Variants in MSANTD4 observed in about 807,000 individuals in gnomAD.
MSANTD4 encodes the protein Myb/SANT DNA binding domain containing 4 with coiled-coils.
MSANTD4 carries 13 observed loss-of-function variants against 34.3 expected under a neutral mutation model. The ratio of observed to expected loss-of-function variants is 0.38; its 90% CI spans 0.25 to 0.60. MSANTD4 has a LOEUF of 0.60. Among genes scored for constraint, MSANTD4 ranks in the 20% least tolerant of loss-of-function variants. The pLI is 0.63. For missense variants in MSANTD4, 358 were observed against 401.8 expected, an observed-to-expected ratio of 0.89 and a Z score of 0.93; for synonymous variants, 137 against 145.2, an observed-to-expected ratio of 0.94 and a Z score of 0.41.
chr11:106,021,843 G>A lies in MSANTD4; in HGVS notation c.-1032C>T, dbSNP rs920126266. The A allele has an allele frequency of 6.6e-6, 1 of 152,234 alleles. No individual in the cohort carries two copies. The highest frequency in any genetic ancestry group is 2.4e-5 in the African/African-American group (1 of 41,352). The allele number at this position is 152,234 out of a possible 1,614,324, so 9.4% of individuals were successfully genotyped here. ...GGGAGCAGGGGCGCGCACCTGCCTC[G>A]GCCACAATGATGAGGTTGCTGCTGG... On this transcript the variant is annotated 5_prime_UTR_variant, in exon 1 of 3. Coordinates refer to ENST00000301919, the MANE Select transcript of MSANTD4 (RefSeq NM_032424.3).
Position 106,009,563 on chromosome 11 carries a change from C to T in MSANTD4, c.1010G>A (p.Arg337Gln). 1.2e-6 allele frequency: 2 copies of T among 1,603,844 alleles called. No individual in the cohort carries two copies. The highest frequency in any genetic ancestry group is 1.7e-6 in the Non-Finnish European group (2 of 1,174,856). ...ERLQVEKDRL[R>Q]IQKEGHLQ Reference sequence around the variant, plus strand: ...CTGCAAGTGTCCTTCTTTCTGAATTCGAAGTCTGTCTTTCTCTACCTGTAA... The same window carrying T: ...CTGCAAGTGTCCTTCTTTCTGAATTTGAAGTCTGTCTTTCTCTACCTGTAA... The change falls in exon 3 of 3, where the codon CGA becomes CAA. Residue 337 changes from arginine (R) to glutamine (Q), a missense_variant. Around this residue, in one of 2 missense-constraint regions of MSANTD4, gnomAD observed 312 missense variants for 317.6 expected, o/e 0.98. Coordinates refer to ENST00000301919, the MANE Select transcript of MSANTD4 (RefSeq NM_032424.3).
intron 1 of MSANTD4, among the ~76,000 whole-genome samples, chr11:106,016,994 A>C (rs906489944): frequency 6.6e-6 from 1 of 152,206 alleles, no homozygotes; most frequent in Non-Finnish European, 1.5e-5. Flanking sequence ...AATACACAGA[A>C]TGTTTCAGAG....
chr11:106,009,399 T>A lies in MSANTD4; in HGVS notation c.*136A>T. The A allele has an allele frequency of 1.3e-5, 10 of 770,848 alleles. No individual in the cohort carries two copies. In the South Asian group the frequency reaches 1.9e-4, roughly 15 times the overall value. 47.8% of individuals were successfully genotyped at this position (770,848 alleles called of 1,614,324 possible). A position where few individuals can be genotyped will look rare whatever the true frequency, so the allele number is the denominator to read the frequency against. The stretch of plus-strand genomic sequence containing the variant: ...TATATACTACTTAGGCATACAGTTA[T>A]CCACATATAACTTTTTCCTACTGAA... On this transcript the variant is annotated 3_prime_UTR_variant, in exon 3 of 3. Coordinates refer to ENST00000301919, the MANE Select transcript of MSANTD4 (RefSeq NM_032424.3).
intron 1 of MSANTD4, among the ~76,000 whole-genome samples, chr11:106,013,501 C>T (rs1024903578): frequency 6.6e-6 from 1 of 152,168 alleles, no homozygotes; most frequent in Non-Finnish European, 1.5e-5. Flanking sequence ...AGACTTACTA[C>T]CACCAGGTTC....
chr11:106,014,795 A>C (rs925115601), intron 1 of MSANTD4, among the ~76,000 whole-genome samples: 1 of 152,174 alleles, frequency 6.6e-6, no homozygotes, highest in Non-Finnish European at 1.5e-5. Flanking sequence ...TTTGTTTCCA[A>C]TCACTCATGT....
intron 1 of MSANTD4, among the ~76,000 whole-genome samples, chr11:106,011,690 C>T (rs547771377): frequency 6.6e-6 from 1 of 152,148 alleles, no homozygotes; most frequent in Non-Finnish European, 1.5e-5. Flanking sequence ...CTGGCCATCA[C>T]CTCCCCAGAG....
intron 1 of MSANTD4, among the ~76,000 whole-genome samples, chr11:106,013,776 C>T (rs148896469): frequency 6.6e-6 from 1 of 152,304 alleles, no homozygotes; most frequent in African/African-American, 2.4e-5. Context: ...GCATGAGAAT[C>T]GCTTGAACCC....
chr11:106,011,152 G>A, intron 1 of MSANTD4, 85 bp from the exon 2 acceptor site: 1 of 611,966 alleles, frequency 1.6e-6, no homozygotes, highest in African/African-American at 1.9e-5. Context: ...ATTTTTAAGA[G>A]AAACAAAAAA....
At chr11:106,013,891 TAA>T (rs1859769814) in intron 1 of MSANTD4, among the ~76,000 whole-genome samples, 1 of 152,160 alleles carries the variant, frequency 6.6e-6, no homozygotes, top group Admixed American at 6.5e-5. Flanking sequence ...AAAGTGTTGC[TAA>T]GGTAAGTTTT....
At chr11:106,017,287 G>A (rs565893717) in intron 1 of MSANTD4, among the ~76,000 whole-genome samples, 1 of 152,200 alleles carries the variant, frequency 6.6e-6, no homozygotes, top group African/African-American at 2.4e-5. Flanking sequence ...CGCAGACACA[G>A]AACATCCTAT....
chr11:106,019,706 A>G (rs1014811830), intron 1 of MSANTD4, among the ~76,000 whole-genome samples: 7 of 152,220 alleles, frequency 4.6e-5, no homozygotes, highest in Admixed American at 3.3e-4. Flanking sequence ...TTACATTAGG[A>G]GCAATAAGAG....
Position 106,008,653 on chromosome 11 carries a change from C to G in MSANTD4, c.*882G>C, listed in dbSNP as rs1017988148. 6.6e-6 allele frequency: 1 copy of G among 152,200 alleles called. No individual in the cohort carries two copies. Among genetic ancestry groups the G allele is most frequent in the Non-Finnish European group, 1.5e-5 (1 of 68,032 alleles). 9.4% of individuals were successfully genotyped at this position (152,200 alleles called of 1,614,324 possible). A position where few individuals can be genotyped will look rare whatever the true frequency, so the allele number is the denominator to read the frequency against. On this transcript the variant is annotated 3_prime_UTR_variant, in exon 3 of 3. Transcript: ENST00000301919. ...CTGGTATCATTTTTACTAGCTTCAA[C>G]TATTCACTTATAAGATTTCAGTACA...
At chr11:106,013,839 G>A (rs1035998201) in intron 1 of MSANTD4, among the ~76,000 whole-genome samples, 8 of 152,190 alleles carry the variant, frequency 5.3e-5, no homozygotes, top group African/African-American at 1.7e-4. Flanking sequence ...CCCAACCTGG[G>A]GGAAACAGTG....
chr11:106,009,015 C>T lies in MSANTD4; in HGVS notation c.*520G>A, dbSNP rs1859603178. On this transcript the variant is annotated 3_prime_UTR_variant, in exon 3 of 3. Coordinates refer to ENST00000301919, the MANE Select transcript of MSANTD4 (RefSeq NM_032424.3). Reference sequence around the variant, plus strand: ...GTTTTAATATTCTAAAACTATAAAACATAGCTATAGAGGTACACAGTTAGG... The same window carrying T: ...GTTTTAATATTCTAAAACTATAAAATATAGCTATAGAGGTACACAGTTAGG... 1 of 152,452 alleles carries T rather than the reference C, an allele frequency of 6.6e-6. No homozygotes were observed. Among genetic ancestry groups the T allele is most frequent in the Non-Finnish European group, 1.5e-5 (1 of 68,262 alleles). The allele number at this position is 152,452 out of a possible 1,614,324, so 9.4% of individuals were successfully genotyped here. A position where few individuals can be genotyped will look rare whatever the true frequency, so the allele number is the denominator to read the frequency against.
intron 1 of MSANTD4, among the ~76,000 whole-genome samples, chr11:106,020,294 G>GA (rs1373221215): frequency 6.6e-6 from 1 of 152,120 alleles, no homozygotes; most frequent in Admixed American, 6.5e-5. Flanking sequence ...GGAAAATTAG[G>GA]ATAGTGCCAA....
At chr11:106,016,288 T>C (rs926756508) in intron 1 of MSANTD4, among the ~76,000 whole-genome samples, 2 of 152,234 alleles carry the variant, frequency 1.3e-5, no homozygotes, top group African/African-American at 4.8e-5. Flanking sequence ...AAAATATTCA[T>C]GAGGTACCAT....
At position 106,010,832 on chromosome 11, in the gene MSANTD4, T is replaced by C; in HGVS notation, c.86A>G (p.Glu29Gly). ...TLLKEITKRK[E>G]VIFSKQLNTT... Reference sequence around the variant, plus strand: ...ATTGAGCTGCTTGGAAAAAATGACTTCTTTCCTTTTCGTAATTTCTTTCAA... The same window carrying C: ...ATTGAGCTGCTTGGAAAAAATGACTCCTTTCCTTTTCGTAATTTCTTTCAA... Residue 29 changes from glutamate (E) to glycine (G), a missense_variant, in exon 2 of 3, where the codon GAA becomes GGA. Transcript: ENST00000301919. 2 of 1,614,132 alleles carry C rather than the reference T, an allele frequency of 1.2e-6. No homozygotes were observed. Among genetic ancestry groups the C allele is most frequent in the Non-Finnish European group, 1.7e-6 (2 of 1,180,016 alleles).
intron 1 of MSANTD4, among the ~76,000 whole-genome samples, chr11:106,012,425 G>A (rs1191649231): frequency 1.3e-5 from 2 of 152,096 alleles, no homozygotes; most frequent in African/African-American, 4.8e-5. Context: ...ATTTTTCTGG[G>A]CCACTTTAAT....
chr11:106,020,937 G>A (rs1860014846), intron 1 of MSANTD4, 25 bp downstream of exon 1: 1 of 152,158 alleles, frequency 6.6e-6, no homozygotes, highest in Non-Finnish European at 1.5e-5. Flanking sequence ...ATCTTGAGTT[G>A]TTGAAGTTCT....
Sources: allele counts gnomAD v4.1 joint callset (sites outside exome capture counted in the v4.1 genomes callset), GRCh38; gene constraint gnomAD v4.1.1; regional missense constraint gnomAD v4.1.1; transcripts MANE v1.5; gene names NCBI Gene and HGNC (gene_info 2026-07-23, HGNC 2026-07-21).